Variants in PARD3B observed in about 807,000 individuals in gnomAD.
The protein encoded by PARD3B is partitioning defective 3 homolog B.
In PARD3B, 103 loss-of-function variants were observed where a neutral mutation model predicts 130.2. The ratio of observed to expected loss-of-function variants is 0.79; its 90% CI spans 0.67 to 0.93. The LOEUF (loss-of-function observed/expected upper bound fraction) is 0.93. Among genes scored for constraint, PARD3B ranks in the 40% least tolerant of loss-of-function variants. The pLI, the probability that PARD3B is intolerant of heterozygous loss-of-function variation, is 0.00. For synonymous variants in PARD3B, 583 were observed against 553.2 expected, an observed-to-expected ratio of 1.05 and a Z score of -0.76; for missense variants, 1,609 against 1,499.2, an observed-to-expected ratio of 1.07 and a Z score of -1.21.
At chr2:204,773,961 T>C (rs754685713) in intron 2 of PARD3B, among the ~76,000 whole-genome samples, 8 of 152,102 alleles carry the variant, frequency 5.3e-5, no homozygotes, top group Non-Finnish European at 1.0e-4. Flanking sequence ...CCTGGCCTCA[T>C]TTTTCATTCC....
At chr2:205,505,021 A>G (rs2106354513) in intron 21 of PARD3B, among the ~76,000 whole-genome samples, 1 of 152,364 alleles carries the variant, frequency 6.6e-6, no homozygotes, top group African/African-American at 2.4e-5. Flanking sequence ...CTGGATTAAG[A>G]AAATGTGGCA....
At chr2:204,580,091 C>T (rs2032474731) in intron 1 of PARD3B, among the ~76,000 whole-genome samples, 1 of 152,124 alleles carries the variant, frequency 6.6e-6, no homozygotes, top group African/African-American at 2.4e-5. Flanking sequence ...AGTCCTTGAC[C>T]CAGGGGGACC....
In PARD3B at chr2:205,301,740, T is replaced by C. The variant is rs2105906088; in HGVS notation, c.2630+39T>C. 1 of 1,613,914 alleles carries C rather than the reference T, an allele frequency of 6.2e-7. No homozygotes were observed. The highest frequency in any genetic ancestry group is 1.3e-5 in the African/African-American group (1 of 75,006). On this transcript the variant is annotated intron_variant, in intron 18 of 22. Transcript: ENST00000406610. The surrounding 1 kb of genome is among the most constrained non-coding windows in gnomAD (Gnocchi z 5.2). ...TTGAAGGCAAAGTTGGTTCTCATTTTGTCTCTCCTGGTAAAATCACTCCTT... is the reference window on the plus strand; with the variant it reads ...TTGAAGGCAAAGTTGGTTCTCATTTCGTCTCTCCTGGTAAAATCACTCCTT...
At chr2:204,776,915 A>T (rs2041646669) in intron 2 of PARD3B, among the ~76,000 whole-genome samples, 1 of 151,956 alleles carries the variant, frequency 6.6e-6, no homozygotes. Context: ...TGGGTAAAAC[A>T]GGAGTGTGTA....
In PARD3B at chr2:204,677,082, T is replaced by G. The variant is rs775067578; in HGVS notation, c.121-9099T>G. On this transcript the variant is annotated intron_variant, in intron 1 of 22. Coordinates refer to ENST00000406610, the MANE Select transcript of PARD3B (RefSeq NM_001302769.2). This position sits in a 1 kb window ranked among gnomAD's most constrained non-coding sequence, Gnocchi z 4.1. ...CAAATCTCTCTTTTATGTGGAAGGC[T>G]TTTAGTTGGATTGGAGATCTCCTAT... Among the ~76,000 whole-genome samples the G allele has an allele frequency of 1.3e-5, 2 of 152,182 alleles. No homozygotes were observed. Among genetic ancestry groups the G allele is most frequent in the Admixed American group, 6.5e-5 (1 of 15,276 alleles).
intron 18 of PARD3B, among the ~76,000 whole-genome samples, chr2:205,396,741 C>T (rs2046044506): frequency 6.6e-6 from 1 of 152,054 alleles, no homozygotes; most frequent in African/African-American, 2.4e-5. Context: ...GGCACCTAGC[C>T]CAGAATTGCC....
At chr2:204,702,501 C>T (rs2037940104) in intron 2 of PARD3B, among the ~76,000 whole-genome samples, 1 of 152,088 alleles carries the variant, frequency 6.6e-6, no homozygotes, top group Non-Finnish European at 1.5e-5. Flanking sequence ...TAATGATGAG[C>T]ATTTTAAAAG....
chr2:205,334,850 T>C (rs2043253271), intron 18 of PARD3B, among the ~76,000 whole-genome samples: 1 of 152,222 alleles, frequency 6.6e-6, no homozygotes, highest in African/African-American at 2.4e-5. Flanking sequence ...GAGAACAAAC[T>C]ACATCAAGTA....
rs1575253643 is a variant in PARD3B at position 205,525,313 on chromosome 2, G to C, written c.3180+25282G>C. Among the ~76,000 whole-genome samples, 2 of 152,210 alleles carry C rather than the reference G, an allele frequency of 1.3e-5. No individual in the cohort carries two copies. Among genetic ancestry groups the C allele is most frequent in the South Asian group, 4.1e-4 (2 of 4,820 alleles). ...TCTGGAAAATATAGTAACAAAGCTG[G>C]TTTTCTAGTCACATGTCACCATAAC... On this transcript the variant is annotated intron_variant, in intron 21 of 22. Coordinates refer to ENST00000406610, the MANE Select transcript of PARD3B (RefSeq NM_001302769.2). This position sits in a 1 kb window ranked among gnomAD's most constrained non-coding sequence, Gnocchi z 4.2.
chr2:205,234,754 A>G (rs944183111), intron 15 of PARD3B, among the ~76,000 whole-genome samples: 2 of 152,196 alleles, frequency 1.3e-5, no homozygotes, highest in Non-Finnish European at 2.9e-5. Flanking sequence ...TCAAGAGCAC[A>G]TAGAACATTT....
intron 3 of PARD3B, among the ~76,000 whole-genome samples, chr2:205,043,156 G>A (rs1273352161): frequency 2.0e-5 from 3 of 151,934 alleles, no homozygotes; most frequent in Non-Finnish European, 4.4e-5. Context: ...GATTCGTATT[G>A]TAAGGTTATA....
At chr2:204,826,238 A>G (rs796407343) in intron 2 of PARD3B, among the ~76,000 whole-genome samples, 3 of 152,190 alleles carry the variant, frequency 2.0e-5, no homozygotes, top group African/African-American at 7.2e-5. Context: ...TGAGGTTTCC[A>G]GGAGTTGTAC....
intron 2 of PARD3B, among the ~76,000 whole-genome samples, chr2:204,938,316 A>G (rs1351766103): frequency 1.3e-5 from 2 of 152,198 alleles, no homozygotes; most frequent in Non-Finnish European, 2.9e-5. Context: ...TTACAGCCAC[A>G]ATGGCTTTCT....
intron 2 of PARD3B, among the ~76,000 whole-genome samples, chr2:204,867,178 CA>C (rs2045459787): frequency 6.6e-6 from 1 of 151,930 alleles, no homozygotes; most frequent in Non-Finnish European, 1.5e-5. Flanking sequence ...AATACAAATG[CA>C]AAATATTGAA....
At chr2:205,496,717 A>T (rs777387237) in intron 20 of PARD3B, among the ~76,000 whole-genome samples, 1 of 152,152 alleles carries the variant, frequency 6.6e-6, no homozygotes, top group Non-Finnish European at 1.5e-5. Flanking sequence ...ATTTATAGGC[A>T]TATGGAAGAA....
chr2:205,038,408 G>T (rs1174166238), intron 3 of PARD3B, among the ~76,000 whole-genome samples: 1 of 152,010 alleles, frequency 6.6e-6, no homozygotes, highest in Non-Finnish European at 1.5e-5. Context: ...CTTAACCCTT[G>T]AGACCTAGTG....
At chr2:205,346,941 C>T (rs1428947679) in intron 18 of PARD3B, among the ~76,000 whole-genome samples, 2 of 151,204 alleles carry the variant, frequency 1.3e-5, no homozygotes, top group Non-Finnish European at 2.9e-5. Flanking sequence ...CCTTCTGTAA[C>T]TCTTGTATAT....
chr2:205,107,788 AT>A (rs1703331554), intron 5 of PARD3B, among the ~76,000 whole-genome samples: 1 of 152,238 alleles, frequency 6.6e-6, no homozygotes, highest in African/African-American at 2.4e-5. Flanking sequence ...TACAATATGC[AT>A]CTCTTATGAA....
chr2:204,810,530 T>C (rs909543937), intron 2 of PARD3B, among the ~76,000 whole-genome samples: 1 of 152,202 alleles, frequency 6.6e-6, no homozygotes, highest in African/African-American at 2.4e-5. Flanking sequence ...GCATCTATTG[T>C]GATAATCATG....
Sources: gnomAD v4.1 joint callset for allele counts (sites outside exome capture counted in the v4.1 genomes callset) on GRCh38, gnomAD v4.1.1 for gene constraint, Gnocchi (gnomAD v3.1) non-coding constraint, MANE v1.5 for transcripts, NCBI Gene and HGNC (gene_info 2026-07-23, HGNC 2026-07-21) for gene names.